The following WWOX variants were observed in gnomAD, a reference collection of about 807,000 sequenced individuals.
WWOX encodes WW domain containing oxidoreductase.
In WWOX, 69 loss-of-function variants were observed where a neutral mutation model predicts 46.2. The ratio of observed to expected loss-of-function variants is 1.49; its 90% CI spans 1.23 to 1.82. WWOX has a LOEUF of 1.82. Among genes scored for constraint, WWOX ranks in the 40% most tolerant of loss-of-function variants. The probability of loss-of-function intolerance (pLI) is 0.00; values close to 1 mark genes in which losing one functional copy is unlikely to be tolerated. For missense variants in WWOX, 919 were observed against 542.6 expected (o/e 1.69, Z -6.89); for synonymous variants, 359 against 202.6 (o/e 1.77, Z -6.56).
intron 5 of WWOX, among the ~76,000 whole-genome samples, chr16:78,317,172 T>C (rs2080372355): frequency 6.6e-6 from 1 of 152,106 alleles, no homozygotes. Flanking sequence ...AAAGAAGTTG[T>C]GTTGAGGCTG....
At chr16:78,204,755 G>A (rs2036339626) in intron 5 of WWOX, among the ~76,000 whole-genome samples, 1 of 152,152 alleles carries the variant, frequency 6.6e-6, no homozygotes, top group Non-Finnish European at 1.5e-5. Flanking sequence ...CCTGCGTGCT[G>A]GGATGAGAAA....
chr16:78,493,181 A>C (rs917719471), intron 8 of WWOX, among the ~76,000 whole-genome samples: 2 of 152,184 alleles, frequency 1.3e-5, no homozygotes, highest in Non-Finnish European at 2.9e-5. Flanking sequence ...CAGTTACTTA[A>C]TGGAATAATA....
intron 8 of WWOX, among the ~76,000 whole-genome samples, chr16:78,759,611 T>C (rs73573729): frequency 0.041 from 6,289 of 152,216 alleles, 410 homozygotes; most frequent in African/African-American, 0.14. Context: ...GGATGAGAAA[T>C]GGCAACACAG....
intron 8 of WWOX, among the ~76,000 whole-genome samples, chr16:78,917,819 A>T (rs1196476923): frequency 1.3e-5 from 2 of 152,206 alleles, no homozygotes; most frequent in Admixed American, 6.5e-5. Context: ...TTGTGGAATG[A>T]AAATGATACT....
intron 8 of WWOX, among the ~76,000 whole-genome samples, chr16:78,791,218 C>G (rs182839660): frequency 1.3e-5 from 2 of 151,988 alleles, no homozygotes; most frequent in African/African-American, 4.8e-5. Flanking sequence ...CGGGACAGGG[C>G]GGCCTCATGA....
intron 8 of WWOX, among the ~76,000 whole-genome samples, chr16:78,942,592 G>C (rs142262107): frequency 0.012 from 1,771 of 143,104 alleles, 49 homozygotes; most frequent in African/African-American, 0.049. Context: ...CAAGGAGAGC[G>C]TTACATTTTA....
At chr16:78,884,283 A>C (rs1401742079) in intron 8 of WWOX, among the ~76,000 whole-genome samples, 3 of 149,476 alleles carry the variant, frequency 2.0e-5, no homozygotes, top group East Asian at 3.9e-4. Flanking sequence ...CAAAAAAAAA[A>C]AAAAAAAAAA....
chr16:79,045,653 A>C (rs2048050571), intron 8 of WWOX, among the ~76,000 whole-genome samples: 2 of 152,102 alleles, frequency 1.3e-5, no homozygotes, highest in African/African-American at 2.4e-5. Context: ...TGAGTTTTGC[A>C]TCTTGGCTCA....
intron 8 of WWOX, among the ~76,000 whole-genome samples, chr16:78,859,489 T>C (rs1023535904): frequency 6.6e-6 from 1 of 152,196 alleles, no homozygotes; most frequent in Non-Finnish European, 1.5e-5. Flanking sequence ...AAAAATGGAA[T>C]GTGTTATAGC....
chr16:78,801,878 T>A (rs1203766767), intron 8 of WWOX, among the ~76,000 whole-genome samples: 2 of 152,220 alleles, frequency 1.3e-5, no homozygotes, highest in African/African-American at 4.8e-5. Context: ...CCGATTGTCC[T>A]GATCTAAAAT....
At chr16:78,517,489 T>A (rs1218187821) in intron 8 of WWOX, among the ~76,000 whole-genome samples, 1 of 152,234 alleles carries the variant, frequency 6.6e-6, no homozygotes, top group Non-Finnish European at 1.5e-5. Context: ...CTGTGTGATA[T>A]CATTATGGCA....
At chr16:78,978,858 G>A (rs1362974382) in intron 8 of WWOX, among the ~76,000 whole-genome samples, 1 of 152,128 alleles carries the variant, frequency 6.6e-6, no homozygotes, top group African/African-American at 2.4e-5. Context: ...CAACACTGGG[G>A]ATTACAATTC....
intron 8 of WWOX, among the ~76,000 whole-genome samples, chr16:78,436,437 A>AT (rs1255494052): frequency 6.6e-6 from 1 of 152,212 alleles, no homozygotes; most frequent in Non-Finnish European, 1.5e-5. Context: ...CAGCTTTTAT[A>AT]TGTCACAAAT....
chr16:78,595,223 C>T (rs750440558), intron 8 of WWOX, among the ~76,000 whole-genome samples: 8 of 152,184 alleles, frequency 5.3e-5, no homozygotes, highest in Admixed American at 3.3e-4. Flanking sequence ...TGTCATATTC[C>T]TGCCAGCAGG....
chr16:78,792,827 G>T (rs1008490004), intron 8 of WWOX, among the ~76,000 whole-genome samples: 2 of 152,090 alleles, frequency 1.3e-5, no homozygotes, highest in South Asian at 4.2e-4. Context: ...AGCTCTGATT[G>T]TCCACAGCTC....
At position 78,943,073 on chromosome 16, in the gene WWOX, T is replaced by G. The variant is rs139520313; in HGVS notation, c.1057-268535T>G. Among the ~76,000 whole-genome samples, 397 of 152,312 alleles carry G rather than the reference T, an allele frequency of 2.6e-3. 1 individual carries two copies. Among genetic ancestry groups the G allele is most frequent in the African/African-American group, 9.1e-3 (380 of 41,568 alleles). ...TTCCTGTTTTGTTAAATAAGGGCAA[T>G]GACGGCAACTATTTTAAATTGCTAT... On this transcript the variant is annotated intron_variant, in intron 8 of 8. Transcript: ENST00000566780.
intron 5 of WWOX, among the ~76,000 whole-genome samples, chr16:78,373,594 G>A (rs754553805): frequency 6.6e-6 from 1 of 151,756 alleles, no homozygotes; most frequent in Non-Finnish European, 1.5e-5. Flanking sequence ...GGGACAGCTA[G>A]TTCTATCTGC....
At chr16:78,448,709 G>A (rs1454694614) in intron 8 of WWOX, among the ~76,000 whole-genome samples, 1 of 152,202 alleles carries the variant, frequency 6.6e-6, no homozygotes, top group African/African-American at 2.4e-5. Context: ...TTTTAATGAA[G>A]AGGCTGGACA....
chr16:78,631,640 G>A (rs760975907), intron 8 of WWOX, among the ~76,000 whole-genome samples: 75 of 150,844 alleles, frequency 5.0e-4, no homozygotes, highest in Non-Finnish European at 7.4e-4. Context: ...CCAGGCTCAA[G>A]AGATATTCTT....
Sources: gnomAD v4.1 joint callset for allele counts (sites outside exome capture counted in the v4.1 genomes callset) on GRCh38, gnomAD v4.1.1 for gene constraint, MANE v1.5 for transcripts, NCBI Gene and HGNC (gene_info 2026-07-23, HGNC 2026-07-21) for gene names.